UBE2G2: variants seen among roughly 807,000 people sequenced by gnomAD.
UBE2G2 encodes the protein ubiquitin conjugating enzyme E2 G2.
A neutral mutation model predicts 23.0 loss-of-function variants in UBE2G2; 10 were observed. That is an observed-to-expected ratio of 0.43 (90% CI 0.27 to 0.74). The LOEUF is 0.74. UBE2G2 is among the 30% of genes least tolerant of loss of function. The probability of loss-of-function intolerance (pLI) is 0.19; values close to 1 mark genes in which losing one functional copy is unlikely to be tolerated. For missense variants in UBE2G2, 150 were observed against 218.3 expected (o/e 0.69, Z 1.97); for synonymous variants, 86 against 81.3 (o/e 1.06, Z -0.31).
Position 44,771,568 on chromosome 21 carries a change from A to T in UBE2G2, c.386-79T>A. 7.0e-7 allele frequency: 1 copy of T among 1,434,868 alleles called. No individual in the cohort carries two copies. 88.9% of individuals were successfully genotyped at this position (1,434,868 alleles called of 1,614,324 possible). A position where few individuals can be genotyped will look rare whatever the true frequency, so the allele number is the denominator to read the frequency against. On this transcript the variant is annotated intron_variant, in intron 5 of 5. Transcript: ENST00000345496. This position sits in a 1 kb window ranked among gnomAD's most constrained non-coding sequence, Gnocchi z 4.6. ...CCTGGCAAGGTCTCCCATTTATTTA[A>T]AACACTGGCGGGGGCTTTCAAGAGC...
rs369468879 is a variant in UBE2G2 at position 44,789,093 on chromosome 21, A to G, written c.44-998T>C. Among the ~76,000 whole-genome samples the G allele has an allele frequency of 9.9e-4, 151 of 152,210 alleles. 1 individual carries two copies. The highest frequency in any genetic ancestry group is 4.8e-3 in the South Asian group (23 of 4,818). On this transcript the variant is annotated intron_variant, in intron 1 of 5. Coordinates refer to ENST00000345496, the MANE Select transcript of UBE2G2 (RefSeq NM_003343.6). ...AGCCAAGACACTATCTTTAAAAAGA[A>G]TAAACAGAGGGCCAGGCGCGGTGGC...
intron 4 of UBE2G2, chr21:44,774,798 G>T: frequency 2.2e-6 from 1 of 450,596 alleles, no homozygotes; most frequent in Non-Finnish European, 4.5e-6. Flanking sequence ...GCCTTCTCCA[G>T]GAGTTGGTCC....
chr21:44,794,677 G>A (rs528257709), intron 1 of UBE2G2, among the ~76,000 whole-genome samples: 4 of 152,040 alleles, frequency 2.6e-5, no homozygotes, highest in East Asian at 3.9e-4. Context: ...TGGGACTACA[G>A]GGGTCCGCCA....
At chr21:44,778,869 G>A (rs541477573) in intron 3 of UBE2G2, among the ~76,000 whole-genome samples, 7 of 152,312 alleles carry the variant, frequency 4.6e-5, no homozygotes, top group East Asian at 1.9e-4. Flanking sequence ...TGCAGGGGCC[G>A]AGGCCTGGAT....
chr21:44,796,906 G>A (rs1190627843), intron 1 of UBE2G2, among the ~76,000 whole-genome samples: 2 of 152,196 alleles, frequency 1.3e-5, no homozygotes, highest in Non-Finnish European at 2.9e-5. Context: ...AGAAGGTAGA[G>A]ATCTTGTCAT....
chr21:44,794,169 C>T (rs1260477826), intron 1 of UBE2G2, among the ~76,000 whole-genome samples: 1 of 152,196 alleles, frequency 6.6e-6, no homozygotes, highest in Non-Finnish European at 1.5e-5. Context: ...CAGCCCTGCC[C>T]TATCCTTGAT....
intron 3 of UBE2G2, among the ~76,000 whole-genome samples, chr21:44,784,316 C>A (rs924015312): frequency 6.6e-6 from 1 of 152,098 alleles, no homozygotes; most frequent in African/African-American, 2.4e-5. Flanking sequence ...TCTTTCCATG[C>A]CAGGATGAAA....
At chr21:44,775,956 G>A (rs1410641039) in intron 4 of UBE2G2, among the ~76,000 whole-genome samples, 2 of 152,188 alleles carry the variant, frequency 1.3e-5, no homozygotes, top group Non-Finnish European at 2.9e-5. Context: ...GTGCACACAA[G>A]ACTGAAGCAG....
intron 3 of UBE2G2, among the ~76,000 whole-genome samples, chr21:44,777,790 A>G (rs902591528): frequency 6.6e-5 from 10 of 152,220 alleles, no homozygotes; most frequent in African/African-American, 2.2e-4. Context: ...CCTGGGCGAC[A>G]GAGCGTGACT....
intron 4 of UBE2G2, 114 bp downstream of exon 4, chr21:44,777,185 G>A: frequency 1.1e-6 from 1 of 901,880 alleles, no homozygotes; most frequent in South Asian, 1.6e-5. Context: ...CATAAGAAGT[G>A]TTTTCTAAAG....
At chr21:44,791,229 A>G (rs566258691) in intron 1 of UBE2G2, among the ~76,000 whole-genome samples, 4 of 152,328 alleles carry the variant, frequency 2.6e-5, no homozygotes, top group Middle Eastern at 3.4e-3. Flanking sequence ...CATTTTCTGG[A>G]GAGAAATTCA....
rs903528292 is a variant in UBE2G2 at position 44,768,777 on chromosome 21, A to G, written c.*2600T>C. The G allele has an allele frequency of 1.3e-5, 2 of 152,208 alleles. No homozygotes were observed. The highest frequency in any genetic ancestry group is 2.4e-5 in the African/African-American group (1 of 41,444). 9.4% of individuals were successfully genotyped at this position (152,208 alleles called of 1,614,324 possible). The stretch of plus-strand genomic sequence containing the variant: ...AGTGGTCAAATGTGCCACTCACACA[A>G]TGGCATCTGCTGAAAAAGCTGCAAA... On this transcript the variant is annotated 3_prime_UTR_variant, in exon 6 of 6. Transcript: ENST00000345496.
At chr21:44,796,805 G>A (rs377045674) in intron 1 of UBE2G2, among the ~76,000 whole-genome samples, 19 of 152,176 alleles carry the variant, frequency 1.2e-4, no homozygotes, top group African/African-American at 4.3e-4. Context: ...TCACTTCCAC[G>A]GGTCTGTTGG....
At chr21:44,783,801 TA>T (rs1555961596) in intron 3 of UBE2G2, among the ~76,000 whole-genome samples, 1 of 152,228 alleles carries the variant, frequency 6.6e-6, no homozygotes, top group African/African-American at 2.4e-5. Flanking sequence ...AGAAATTTAC[TA>T]AAACCACTAA....
chr21:44,771,262 G>T lies in UBE2G2; in HGVS notation c.*115C>A. 1.1e-6 allele frequency: 1 copy of T among 891,998 alleles called. No individual in the cohort carries two copies. Among genetic ancestry groups the T allele is most frequent in the Non-Finnish European group, 1.7e-6 (1 of 583,208 alleles). The allele number at this position is 891,998 out of a possible 1,614,324, so 55.3% of individuals were successfully genotyped here. A position where few individuals can be genotyped will look rare whatever the true frequency, so the allele number is the denominator to read the frequency against. The stretch of plus-strand genomic sequence containing the variant: ...TTTGAAAAAAAAAAAAGATGCCATG[G>T]TTCTTGCAAGTCTGCCTTGTTTGGT... On this transcript the variant is annotated 3_prime_UTR_variant, in exon 6 of 6. Coordinates refer to ENST00000345496, the MANE Select transcript of UBE2G2 (RefSeq NM_003343.6). The surrounding 1 kb of genome is among the most constrained non-coding windows in gnomAD (Gnocchi z 4.6).
chr21:44,782,695 GTC>G (rs1249847065), intron 3 of UBE2G2, among the ~76,000 whole-genome samples: 6 of 152,204 alleles, frequency 3.9e-5, no homozygotes, highest in African/African-American at 1.4e-4. Context: ...GGAAAGAACT[GTC>G]TTTTCAACAA....
intron 4 of UBE2G2, chr21:44,774,907 C>T: frequency 2.9e-6 from 1 of 348,830 alleles, no homozygotes; most frequent in Middle Eastern, 8.4e-4. Flanking sequence ...TCCTAAACCT[C>T]TCGTGGATCC....
intron 3 of UBE2G2, among the ~76,000 whole-genome samples, chr21:44,784,991 G>A (rs1173413410): frequency 6.6e-6 from 1 of 152,178 alleles, no homozygotes; most frequent in Admixed American, 6.5e-5. Flanking sequence ...TCCCACATAA[G>A]TGCATCAATG....
chr21:44,786,785 C>G lies in UBE2G2; in HGVS notation c.125+1135G>C, dbSNP rs577479212. Among the ~76,000 whole-genome samples the G allele has an allele frequency of 5.3e-5, 8 of 152,266 alleles. 1 individual carries two copies. Among genetic ancestry groups the G allele is most frequent in the African/African-American group, 1.4e-4 (6 of 41,566 alleles). ...AAGACCTTGCTGCAAATTAAAAGAC[C>G]TCACTAATGAGATAACAAAGACTGG... On this transcript the variant is annotated intron_variant, in intron 3 of 5. Transcript: ENST00000345496.
Sources: allele counts gnomAD v4.1 joint callset (sites outside exome capture counted in the v4.1 genomes callset), GRCh38; gene constraint gnomAD v4.1.1; non-coding constraint Gnocchi (gnomAD v3.1); transcripts MANE v1.5; gene names NCBI Gene and HGNC (gene_info 2026-07-23, HGNC 2026-07-21).